The following CTTNBP2 variants were observed in gnomAD, a reference collection of about 807,000 sequenced individuals.
CTTNBP2 encodes the protein cortactin binding protein 2.
A neutral mutation model predicts 156.9 loss-of-function variants in CTTNBP2; 108 were observed. The ratio of observed to expected loss-of-function variants is 0.69; its 90% CI spans 0.59 to 0.81. The LOEUF (loss-of-function observed/expected upper bound fraction) is 0.81, where lower values mean the gene tolerates loss of function less well. Among genes scored for constraint, CTTNBP2 ranks in the 30% least tolerant of loss-of-function variants. The probability of loss-of-function intolerance (pLI) is 0.00; values close to 1 mark genes in which losing one functional copy is unlikely to be tolerated. For synonymous variants in CTTNBP2, 767 were observed against 751.8 expected, an observed-to-expected ratio of 1.02 and a Z score of -0.33; for missense variants, 1,924 against 2,035.4, an observed-to-expected ratio of 0.95 and a Z score of 1.05.
chr7:117,744,051 G>T (rs1796176544), intron 14 of CTTNBP2, among the ~76,000 whole-genome samples: 2 of 152,008 alleles, frequency 1.3e-5, no homozygotes, highest in Non-Finnish European at 2.9e-5. Flanking sequence ...CATAGTAGGT[G>T]TATGTATTTG....
chr7:117,718,219 C>T, intron 21 of CTTNBP2, 100 bp from the exon 22 acceptor site: 1 of 697,466 alleles, frequency 1.4e-6, no homozygotes, highest in Non-Finnish European at 2.5e-6. Context: ...AAGTGTTACT[C>T]TTATCCTCTT....
chr7:117,735,609 C>T (rs1270358001), intron 14 of CTTNBP2, among the ~76,000 whole-genome samples, 188 bp from the exon 15 acceptor site: 1 of 152,164 alleles, frequency 6.6e-6, no homozygotes, highest in Non-Finnish European at 1.5e-5. Context: ...TTTGAACACA[C>T]TCAAAATGAT....
rs1170340134 is a variant in CTTNBP2 at position 117,873,385 on chromosome 7, C to T, written c.31G>A (p.Asp11Asn). 8 of 1,488,774 alleles carry T rather than the reference C, an allele frequency of 5.4e-6. No individual in the cohort carries two copies. The highest frequency in any genetic ancestry group is 1.9e-4 in the Middle Eastern group (1 of 5,348). 92.2% of individuals were successfully genotyped at this position (1,488,774 alleles called of 1,614,324 possible). The stretch of plus-strand genomic sequence containing the variant: ...GCGTCCTCCGGGGCCCGGGACAAGT[C>T]GGGCTCGCAGCTCGCGCCGTCCGTC... MATDGASCEP[D>N]LSRAPEDAAG... is the part of the protein sequence containing the mutation. Residue 11 changes from aspartate (D) to asparagine (N), a missense_variant, in exon 1 of 23, where the codon GAC becomes AAC. Physicochemically the swap from Asp to Asn is conservative, Grantham distance 23. Coordinates refer to ENST00000160373, the MANE Select transcript of CTTNBP2 (RefSeq NM_033427.3).
At chr7:117,762,184 C>A (rs531048631) in intron 9 of CTTNBP2, among the ~76,000 whole-genome samples, 2 of 152,316 alleles carry the variant, frequency 1.3e-5, no homozygotes, top group Admixed American at 1.3e-4. Context: ...CATCCAGTCC[C>A]ATGACTTTAA....
intron 20 of CTTNBP2, 109 bp downstream of exon 20, chr7:117,720,958 T>C (rs1336382814): frequency 8.9e-6 from 7 of 784,628 alleles, no homozygotes; most frequent in Non-Finnish European, 1.6e-5. Context: ...TTTAAAACCA[T>C]ATTAACATAA....
At chr7:117,822,107 C>T (rs1454694200) in intron 2 of CTTNBP2, among the ~76,000 whole-genome samples, 1 of 151,944 alleles carries the variant, frequency 6.6e-6, no homozygotes, top group Non-Finnish European at 1.5e-5. Context: ...ATTTTTTATT[C>T]CTTCCTGTAT....
chr7:117,836,827 A>C (rs945832706), intron 2 of CTTNBP2, among the ~76,000 whole-genome samples: 7 of 152,206 alleles, frequency 4.6e-5, no homozygotes, highest in Non-Finnish European at 8.8e-5. Context: ...AACCCTTTAT[A>C]AAAACATCAG....
intron 2 of CTTNBP2, among the ~76,000 whole-genome samples, chr7:117,859,291 C>G (rs1044067907): frequency 6.6e-6 from 1 of 152,160 alleles, no homozygotes; most frequent in East Asian, 1.9e-4. Context: ...AATGTTCATT[C>G]GGCAAGTGCT....
intron 22 of CTTNBP2, chr7:117,714,166 T>C (rs1794214138): frequency 6.6e-6 from 1 of 152,232 alleles, no homozygotes; most frequent in African/African-American, 2.4e-5. Flanking sequence ...TTTTGTTTTG[T>C]AAAGATGCTT....
rs763064160 is a variant in CTTNBP2, at chr7:117,757,931, G to T, written c.3212C>A (p.Ser1071Tyr). 1.9e-6 allele frequency: 3 copies of T among 1,613,574 alleles called. No homozygotes were observed. Among genetic ancestry groups the T allele is most frequent in the South Asian group, 2.2e-5 (2 of 91,002 alleles). Residue 1071 changes from serine (S) to tyrosine (Y), a missense_variant, in exon 11 of 23, where the codon TCC becomes TAC. Transcript: ENST00000160373. ...PWSVGQSFAQ[S>Y]PWDFMRKNKA... ...ATTCTTCCTCATAAAGTCCCACGGG[G>T]ACTGCGCGAAGCTCTGACCCACTGA...
chr7:117,756,886 G>A (rs933945903), intron 11 of CTTNBP2, among the ~76,000 whole-genome samples: 3 of 152,158 alleles, frequency 2.0e-5, no homozygotes, highest in African/African-American at 7.2e-5. Context: ...CCCCTGGGAT[G>A]CCCACCTACC....
At chr7:117,804,598 G>A (rs899109835) in intron 3 of CTTNBP2, among the ~76,000 whole-genome samples, 1 of 152,292 alleles carries the variant, frequency 6.6e-6, no homozygotes, top group Non-Finnish European at 1.5e-5. Context: ...CTGTACAAAT[G>A]AACAAGATCA....
At chr7:117,780,872 A>G (rs1208981949) in intron 6 of CTTNBP2, among the ~76,000 whole-genome samples, 1 of 152,226 alleles carries the variant, frequency 6.6e-6, no homozygotes, top group Non-Finnish European at 1.5e-5. Flanking sequence ...CAACTTGTGA[A>G]AGTAGAGTCC....
Position 117,765,111 on chromosome 7 carries a change from T to C in CTTNBP2, c.2896+1948A>G, listed in dbSNP as rs544174359. ...CCACCACGCCCAGATAATTTTGTAT[T>C]CTTTAGTAGAGACGGGGTTTCTCTA... On this transcript the variant is annotated intron_variant, in intron 9 of 22. Transcript: ENST00000160373. Among the ~76,000 whole-genome samples the C allele has an allele frequency of 5.9e-5, 9 of 152,154 alleles. No individual in the cohort carries two copies. The South Asian group carries it at 1.9e-3, about 32-fold the overall frequency.
intron 2 of CTTNBP2, among the ~76,000 whole-genome samples, chr7:117,812,582 A>G (rs2116978666): frequency 6.6e-6 from 1 of 152,288 alleles, no homozygotes; most frequent in South Asian, 2.1e-4. Context: ...ATTAAATTTA[A>G]GCTAGCTTTC....
At chr7:117,748,390 C>T (rs1235532498) in intron 12 of CTTNBP2, among the ~76,000 whole-genome samples, 4 of 152,020 alleles carry the variant, frequency 2.6e-5, no homozygotes, top group Admixed American at 1.3e-4. Context: ...CATTTTTCTC[C>T]AATTTTTTGG....
At chr7:117,837,982 C>A (rs1425024215) in intron 2 of CTTNBP2, among the ~76,000 whole-genome samples, 3 of 152,186 alleles carry the variant, frequency 2.0e-5, no homozygotes, top group African/African-American at 7.2e-5. Flanking sequence ...CCTAGCTAAG[C>A]CCAGGCAGCC....
At chr7:117,716,390 G>C (rs184812824) in intron 22 of CTTNBP2, among the ~76,000 whole-genome samples, 1 of 152,154 alleles carries the variant, frequency 6.6e-6, no homozygotes, top group East Asian at 1.9e-4. Flanking sequence ...TGGGGAAGGT[G>C]GTTCACTGTT....
chr7:117,827,601 C>T (rs1014737491), intron 2 of CTTNBP2, among the ~76,000 whole-genome samples: 2 of 152,076 alleles, frequency 1.3e-5, no homozygotes, highest in Non-Finnish European at 2.9e-5. Flanking sequence ...TGAGGTGTTT[C>T]AATATTTCGG....
Sources: allele counts gnomAD v4.1 joint callset (sites outside exome capture counted in the v4.1 genomes callset), GRCh38; gene constraint gnomAD v4.1.1; transcripts MANE v1.5; gene names NCBI Gene and HGNC (gene_info 2026-07-23, HGNC 2026-07-21).